The following SUGCT variants were observed in gnomAD, a reference collection of about 807,000 sequenced individuals.
SUGCT encodes succinyl-CoA:glutarate-CoA transferase, also known as succinyl-CoA:glutarate CoA-transferase.
In SUGCT, 41 loss-of-function variants were observed where a neutral mutation model predicts 55.0. That is an observed-to-expected ratio of 0.74 (90% CI 0.58 to 0.97). SUGCT has a LOEUF of 0.97. Ranked by LOEUF, SUGCT falls within the 50% of genes least tolerant of loss-of-function variation. The pLI, the probability that SUGCT is intolerant of heterozygous loss-of-function variation, is 0.00. For missense variants in SUGCT, 568 were observed against 547.8 expected (o/e 1.04, Z -0.37); for synonymous variants, 187 against 200.4 (o/e 0.93, Z 0.56).
intron 9 of SUGCT, among the ~76,000 whole-genome samples, chr7:40,348,207 T>C (rs1167542477): frequency 2.0e-5 from 3 of 152,192 alleles, no homozygotes; most frequent in African/African-American, 7.2e-5. Context: ...TCTGGGCTTG[T>C]TGCAAACTGG....
chr7:40,573,019 C>T (rs113950129), intron 12 of SUGCT, among the ~76,000 whole-genome samples: 1 of 152,138 alleles, frequency 6.6e-6, no homozygotes, highest in African/African-American at 2.4e-5. Context: ...ATGCACCCCC[C>T]ACAATGTCTA....
intron 6 of SUGCT, among the ~76,000 whole-genome samples, chr7:40,201,723 C>G (rs1786613159): frequency 6.6e-6 from 1 of 152,178 alleles, no homozygotes; most frequent in Admixed American, 6.5e-5. Flanking sequence ...TGTCTGTAGA[C>G]ATGGACTGAT....
At position 40,568,109 on chromosome 7, in the gene SUGCT, G is replaced by T. The variant is rs1796246479; in HGVS notation, c.1089+71723G>T. Among the ~76,000 whole-genome samples, 3 of 152,166 alleles carry T rather than the reference G, an allele frequency of 2.0e-5. No individual in the cohort carries two copies. The South Asian group carries it at 6.2e-4, about 31-fold the overall frequency. On this transcript the variant is annotated intron_variant, in intron 12 of 13. Transcript: ENST00000335693. ...GAGAAAGGATAAGTGGTAGAGGCAA[G>T]AACCTAAGTTCTGCATTTCTTTTCT...
chr7:40,912,966 T>C, the SUGCT span, among the ~76,000 whole-genome samples: 1 of 151,950 alleles, frequency 6.6e-6, no homozygotes, highest in African/African-American at 2.4e-5. Flanking sequence ...CATCTCCTGC[T>C]ATCCTTCACC....
At chr7:40,463,645 GCC>G (rs1329615637) in intron 11 of SUGCT, among the ~76,000 whole-genome samples, 11 of 152,158 alleles carry the variant, frequency 7.2e-5, no homozygotes, top group African/African-American at 2.7e-4. Flanking sequence ...GACGGCAGCT[GCC>G]TGTTTTGGTC....
chr7:40,718,334 T>G (rs1439225385), intron 12 of SUGCT, among the ~76,000 whole-genome samples: 1 of 152,226 alleles, frequency 6.6e-6, no homozygotes, highest in Non-Finnish European at 1.5e-5. Context: ...TGAACAAGTA[T>G]GCAGTGTAAG....
intron 12 of SUGCT, among the ~76,000 whole-genome samples, chr7:40,722,582 A>G (rs1786401943): frequency 6.6e-6 from 1 of 152,322 alleles, no homozygotes; most frequent in East Asian, 1.9e-4. Context: ...TTTTCAAATC[A>G]CATTTGGCTC....
the SUGCT span, among the ~76,000 whole-genome samples, chr7:40,998,756 G>A: frequency 6.6e-6 from 1 of 152,312 alleles, no homozygotes; most frequent in African/African-American, 2.4e-5. Context: ...CTCCTCATTG[G>A]TGGTGACACC....
chr7:40,565,993 GCACACA>G (rs376444246), intron 12 of SUGCT, among the ~76,000 whole-genome samples: 523 of 123,888 alleles, frequency 4.2e-3, no homozygotes, highest in African/African-American at 5.5e-3. Context: ...ACACACACAC[GCACACA>G]CACACACACA....
At chr7:40,276,885 A>G (rs1213911682) in intron 8 of SUGCT, among the ~76,000 whole-genome samples, 1 of 151,814 alleles carries the variant, frequency 6.6e-6, no homozygotes, top group South Asian at 2.1e-4. Context: ...ACTAAATTCT[A>G]TGACTGCTGG....
At chr7:40,678,299 G>C (rs1784095647) in intron 12 of SUGCT, among the ~76,000 whole-genome samples, 1 of 152,048 alleles carries the variant, frequency 6.6e-6, no homozygotes, top group African/African-American at 2.4e-5. Flanking sequence ...CTCTCACTCG[G>C]CATTGGTTTT....
intron 10 of SUGCT, among the ~76,000 whole-genome samples, chr7:40,458,110 T>C (rs1336853364): frequency 6.6e-6 from 1 of 152,254 alleles, no homozygotes; most frequent in Non-Finnish European, 1.5e-5. Flanking sequence ...CACTTCTCTG[T>C]CCTTTGTAAG....
intron 12 of SUGCT, among the ~76,000 whole-genome samples, chr7:40,623,135 T>G (rs1799355211): frequency 6.6e-6 from 1 of 152,198 alleles, no homozygotes; most frequent in Non-Finnish European, 1.5e-5. Context: ...GAACCACTCC[T>G]TGGTGCCACA....
At chr7:40,635,842 G>A (rs1487418784) in intron 12 of SUGCT, among the ~76,000 whole-genome samples, 1 of 152,206 alleles carries the variant, frequency 6.6e-6, no homozygotes, top group South Asian at 2.1e-4. Flanking sequence ...ATCACTGGAT[G>A]ATTCAAGACT....
chr7:41,025,401 G>T, the SUGCT span, among the ~76,000 whole-genome samples: 1 of 150,226 alleles, frequency 6.7e-6, no homozygotes, highest in Non-Finnish European at 1.5e-5. Context: ...ACGTAGTTTC[G>T]CTCTGTCACC....
At chr7:40,797,713 T>TG (rs36083349) in intron 13 of SUGCT, among the ~76,000 whole-genome samples, 27 of 152,286 alleles carry the variant, frequency 1.8e-4, no homozygotes, top group East Asian at 3.9e-4. Context: ...ATGAAAAGCA[T>TG]GAACCCCCCC....
intron 12 of SUGCT, among the ~76,000 whole-genome samples, chr7:40,680,024 G>A (rs1424469496): frequency 2.6e-5 from 4 of 152,156 alleles, no homozygotes; most frequent in Non-Finnish European, 5.9e-5. Flanking sequence ...GAAAGAAAAT[G>A]TAATGTCATA....
At chr7:40,406,489 T>C (rs144224006) in intron 9 of SUGCT, among the ~76,000 whole-genome samples, 3 of 152,304 alleles carry the variant, frequency 2.0e-5, no homozygotes, top group African/African-American at 7.2e-5. Context: ...CCTCTCAAGT[T>C]TGGCCTACAC....
chr7:40,613,703 C>T (rs1053632439), intron 12 of SUGCT, among the ~76,000 whole-genome samples: 13 of 152,004 alleles, frequency 8.6e-5, no homozygotes, highest in African/African-American at 2.4e-4. Context: ...CTCCGCCTCC[C>T]GGGTTCAAGC....
Sources: gnomAD v4.1 joint callset for allele counts (sites outside exome capture counted in the v4.1 genomes callset) on GRCh38, gnomAD v4.1.1 for gene constraint, MANE v1.5 for transcripts, NCBI Gene and HGNC (gene_info 2026-07-23, HGNC 2026-07-21) for gene names.